The following ZNF235 variants were observed in gnomAD, a reference collection of about 807,000 sequenced individuals.
The protein encoded by ZNF235 is zfp-93.
ZNF235 carries 25 observed loss-of-function variants against 29.4 expected under a neutral mutation model. The observed-to-expected ratio is 0.85, with a 90% confidence interval of 0.62 to 1.19. The LOEUF (loss-of-function observed/expected upper bound fraction) is 1.19, where lower values mean the gene tolerates loss of function less well. ZNF235 is among the 50% of genes most tolerant of loss of function. The pLI is 0.00. For missense variants in ZNF235, 788 were observed against 885.0 expected (o/e 0.89, Z 1.39); for synonymous variants, 300 against 295.3 (o/e 1.02, Z -0.16).
At chr19:44,299,452 A>G (rs529312132) in intron 3 of ZNF235, among the ~76,000 whole-genome samples, 154 bp downstream of exon 3, 1 of 152,364 alleles carries the variant, frequency 6.6e-6, no homozygotes, top group Admixed American at 6.5e-5. Flanking sequence ...GAGCAGTCCC[A>G]AAGCCTTGAA....
In ZNF235 at chr19:44,287,948, A is replaced by C. The variant is rs1448932251; in HGVS notation, c.1487T>G (p.Phe496Cys). 2 of 1,614,070 alleles carry C rather than the reference A, an allele frequency of 1.2e-6. No individual in the cohort carries two copies. Among genetic ancestry groups the C allele is most frequent in the Non-Finnish European group, 1.7e-6 (2 of 1,180,006 alleles). ...GCTCTGGAAACTTGAGGCTGAACTA[A>C]AACCCTTACCACACTCTTCACATTT... The part of the protein sequence containing the change: ...PYKCEECGKG[F>C]SSASSFQSHQ... The change falls in exon 5 of 5, where the codon TTT (phenylalanine) becomes TGT (cysteine). Residue 496 changes from phenylalanine to cysteine, a missense_variant. Physicochemically the swap from Phe to Cys is radical, Grantham distance 205. Transcript: ENST00000291182.
At chr19:44,302,941 CATATTTGTATATATAAATAT>C (rs1568647484) in intron 2 of ZNF235, among the ~76,000 whole-genome samples, 17 of 61,240 alleles carry the variant, frequency 2.8e-4, no homozygotes, top group African/African-American at 1.7e-3. Context: ...TTTATATATA[CATATTTGTATATATAAATAT>C]ATACGTATAT....
chr19:44,304,972 T>C lies in ZNF235; in HGVS notation c.-50A>G. ...CTTGGAGACCCGGAGCTGACTCACC[T>C]CCCTGGGAGATATCTCAGATCCGAC... On this transcript the variant is annotated splice_region_variant and 5_prime_UTR_variant, in exon 1 of 5. Transcript: ENST00000291182. 1.0e-6 allele frequency: 1 copy of C among 982,528 alleles called. No individual in the cohort carries two copies. Among genetic ancestry groups the C allele is most frequent in the Non-Finnish European group, 1.2e-6 (1 of 827,318 alleles). The allele number at this position is 982,528 out of a possible 1,614,324, so 60.9% of individuals were successfully genotyped here. A position where few individuals can be genotyped will look rare whatever the true frequency, so the allele number is the denominator to read the frequency against.
intron 1 of ZNF235, among the ~76,000 whole-genome samples, chr19:44,304,374 C>G (rs111998523): frequency 1.3e-5 from 2 of 152,138 alleles, no homozygotes; most frequent in Non-Finnish European, 2.9e-5. Flanking sequence ...AGGACATTCC[C>G]CAGGCTCCGC....
At chr19:44,294,575 C>G (rs192337919) in intron 4 of ZNF235, among the ~76,000 whole-genome samples, 91 of 152,244 alleles carry the variant, frequency 6.0e-4, no homozygotes, top group African/African-American at 2.0e-3. Context: ...TAGAAAGCCA[C>G]TCTTGCTCTG....
At chr19:44,303,296 C>T (rs1480444143) in intron 2 of ZNF235, 94 bp downstream of exon 2, 23 of 1,329,460 alleles carry the variant, frequency 1.7e-5, no homozygotes, top group Admixed American at 3.4e-5. Context: ...AAGTGCCTTT[C>T]GTTCCCTTTT....
chr19:44,300,341 T>C (rs1425536563), intron 2 of ZNF235, among the ~76,000 whole-genome samples: 2 of 152,236 alleles, frequency 1.3e-5, no homozygotes, highest in African/African-American at 4.8e-5. Flanking sequence ...AAGTACTCAA[T>C]AAATGTTGAT....
At chr19:44,296,455 A>T (rs1271026521) in intron 4 of ZNF235, among the ~76,000 whole-genome samples, 6 of 152,220 alleles carry the variant, frequency 3.9e-5, no homozygotes, top group Non-Finnish European at 4.4e-5. Flanking sequence ...ACAGAAAAAG[A>T]TGTAAAATGA....
intron 2 of ZNF235, 26 bp from the exon 3 acceptor site, chr19:44,299,758 C>G: frequency 6.2e-7 from 1 of 1,613,570 alleles, no homozygotes; most frequent in Non-Finnish European, 8.5e-7. Context: ...CATGTAACCT[C>G]AATCTCACAC....
Position 44,288,875 on chromosome 19 carries a change from T to A in ZNF235, c.560A>T (p.Tyr187Phe), listed in dbSNP as rs1975543011. 6.2e-7 allele frequency: 1 copy of A among 1,613,978 alleles called. No individual in the cohort carries two copies. Among genetic ancestry groups the A allele is most frequent in the South Asian group, 1.1e-5 (1 of 91,066 alleles). The change falls in exon 5 of 5, where the codon TAT (tyrosine) becomes TTT (phenylalanine). Residue 187 changes from tyrosine (Y) to phenylalanine (F), a missense_variant. Transcript: ENST00000291182. ...CTGATAATTCTGTGTCTCATTCAGA[T>A]ATATTTTACTCCAAGAATTCGGAAC... ...GKVPNSWSKI[Y>F]LNETQNYQRS...
At chr19:44,303,771 T>G (rs1975790430) in intron 1 of ZNF235, among the ~76,000 whole-genome samples, 2 of 152,198 alleles carry the variant, frequency 1.3e-5, no homozygotes, top group Non-Finnish European at 2.9e-5. Context: ...GCTTCAAATT[T>G]TGGCATTTCT....
intron 1 of ZNF235, chr19:44,304,613 A>T (rs1568648626): frequency 1.6e-6 from 1 of 634,518 alleles, no homozygotes; most frequent in East Asian, 1.4e-4. Context: ...ATAAAACCTC[A>T]TTTAATTCTC....
chr19:44,302,780 AT>A (rs1484453926), intron 2 of ZNF235, among the ~76,000 whole-genome samples: 31 of 146,112 alleles, frequency 2.1e-4, no homozygotes, highest in African/African-American at 6.0e-4. Context: ...ATATATATAT[AT>A]ATAAAACTAT....
intron 4 of ZNF235, among the ~76,000 whole-genome samples, chr19:44,291,135 A>ATTGG (rs1975579345): frequency 6.6e-6 from 1 of 152,218 alleles, no homozygotes; most frequent in Non-Finnish European, 1.5e-5. Context: ...ACATACTCCA[A>ATTGG]GACAGACCAT....
chr19:44,291,598 A>G (rs1284098362), intron 4 of ZNF235, among the ~76,000 whole-genome samples: 1 of 152,190 alleles, frequency 6.6e-6, no homozygotes, highest in Non-Finnish European at 1.5e-5. Flanking sequence ...GATCCTGTAT[A>G]TATTATTAAA....
intron 2 of ZNF235, among the ~76,000 whole-genome samples, chr19:44,300,194 T>C (rs370745941): frequency 6.6e-6 from 1 of 152,140 alleles, no homozygotes; most frequent in Non-Finnish European, 1.5e-5. Context: ...CAAGGGTCTA[T>C]CCATTGCTAG....
chr19:44,301,119 G>A (rs1399013054), intron 2 of ZNF235, among the ~76,000 whole-genome samples: 1 of 151,324 alleles, frequency 6.6e-6, no homozygotes, highest in Non-Finnish European at 1.5e-5. Flanking sequence ...AATCCTACTG[G>A]GATTTTTCAT....
intron 4 of ZNF235, among the ~76,000 whole-genome samples, chr19:44,298,039 A>G (rs1487783179): frequency 1.3e-5 from 2 of 152,070 alleles, no homozygotes; most frequent in Non-Finnish European, 2.9e-5. Flanking sequence ...GGATTGCTTG[A>G]GCACAGGAGG....
chr19:44,295,861 T>C (rs974507564), intron 4 of ZNF235, among the ~76,000 whole-genome samples: 36 of 152,190 alleles, frequency 2.4e-4, no homozygotes, highest in Admixed American at 2.2e-3. Flanking sequence ...ATTGAATAAA[T>C]GGTGCTATTT....
Sources: gnomAD v4.1 joint callset for allele counts (sites outside exome capture counted in the v4.1 genomes callset) on GRCh38, gnomAD v4.1.1 for gene constraint, MANE v1.5 for transcripts, NCBI Gene and HGNC (gene_info 2026-07-23, HGNC 2026-07-21) for gene names.